Variants in IGF1R observed in about 807,000 individuals in gnomAD.
IGF1R encodes insulin-like growth factor 1 receptor.
Under a neutral mutation model 144.6 loss-of-function variants are expected in IGF1R, and 44 were observed. The observed-to-expected ratio is 0.30, with a 90% confidence interval of 0.24 to 0.39. The LOEUF is 0.39. Ranked by LOEUF, IGF1R falls within the 10% of genes least tolerant of loss-of-function variation. The pLI is 1.00. For synonymous variants in IGF1R, 795 were observed against 722.8 expected, an observed-to-expected ratio of 1.10 and a Z score of -1.60; for missense variants, 1,355 against 1,833.7, an observed-to-expected ratio of 0.74 and a Z score of 4.77.
chr15:98,799,218 C>G (rs900948778), intron 2 of IGF1R, among the ~76,000 whole-genome samples: 1 of 152,134 alleles, frequency 6.6e-6, no homozygotes, highest in African/African-American at 2.4e-5. Context: ...GTGCCTCCCC[C>G]TTTCGTGAGC....
intron 2 of IGF1R, among the ~76,000 whole-genome samples, chr15:98,856,146 C>G (rs1217977017): frequency 6.6e-5 from 10 of 152,200 alleles, no homozygotes; most frequent in Non-Finnish European, 2.9e-5. Flanking sequence ...TCTTTCTCCA[C>G]AAAAATATGT....
chr15:98,874,569 T>TG (rs2012957239), intron 2 of IGF1R, among the ~76,000 whole-genome samples: 2 of 152,186 alleles, frequency 1.3e-5, no homozygotes, highest in South Asian at 2.1e-4. Flanking sequence ...GCTCAGAGGC[T>TG]GGGGACCTGG....
chr15:98,850,540 CCTCT>C (rs1326273275), intron 2 of IGF1R, among the ~76,000 whole-genome samples: 2 of 152,218 alleles, frequency 1.3e-5, no homozygotes, highest in African/African-American at 4.8e-5. Context: ...TGCAACGAGG[CCTCT>C]CTGAGGTGCT....
intron 5 of IGF1R, 28 bp from the exon 6 acceptor site, chr15:98,908,657 G>A (rs762058504): frequency 1.5e-4 from 234 of 1,594,572 alleles, no homozygotes; most frequent in Non-Finnish European, 1.8e-4. Context: ...AAGGGCAGGT[G>A]CGCTAACATC....
chr15:98,895,818 A>C (rs1276310234), intron 3 of IGF1R, among the ~76,000 whole-genome samples: 1 of 152,232 alleles, frequency 6.6e-6, no homozygotes, highest in African/African-American at 2.4e-5. Flanking sequence ...TAAGAACAAT[A>C]ATGTACATAT....
At chr15:98,847,548 A>C (rs1374807598) in intron 2 of IGF1R, among the ~76,000 whole-genome samples, 2 of 152,188 alleles carry the variant, frequency 1.3e-5, no homozygotes, top group African/African-American at 2.4e-5. Context: ...AGTGAGGATT[A>C]ATCCAGACCA....
At chr15:98,840,677 GTTT>G (rs58919638) in intron 2 of IGF1R, among the ~76,000 whole-genome samples, 3 of 131,236 alleles carry the variant, frequency 2.3e-5, no homozygotes, top group Non-Finnish European at 1.6e-5. Context: ...TTTTTGTTTT[GTTT>G]TTTTTTTTTT....
intron 2 of IGF1R, among the ~76,000 whole-genome samples, chr15:98,864,275 C>T (rs2012312395): frequency 6.6e-6 from 1 of 152,294 alleles, no homozygotes; most frequent in East Asian, 1.9e-4. Flanking sequence ...GCAAACATTA[C>T]CAACATGGCA....
chr15:98,650,716 TTG>T (rs1358238096), intron 1 of IGF1R, among the ~76,000 whole-genome samples: 1 of 152,218 alleles, frequency 6.6e-6, no homozygotes, highest in African/African-American at 2.4e-5. Context: ...GGGGAGGGTG[TTG>T]TGTTTTGCGA....
chr15:98,831,411 C>G (rs996322630), intron 2 of IGF1R, among the ~76,000 whole-genome samples: 1 of 152,206 alleles, frequency 6.6e-6, no homozygotes, highest in Non-Finnish European at 1.5e-5. Flanking sequence ...TAGAACCTCA[C>G]GCCCAGCTTC....
chr15:98,704,081 G>A lies in IGF1R; in HGVS notation c.95-3481G>A, dbSNP rs543207028. Among the ~76,000 whole-genome samples, 7 of 152,072 alleles carry A rather than the reference G, an allele frequency of 4.6e-5. No homozygotes were observed. Among genetic ancestry groups the A allele is most frequent in the East Asian group, 1.9e-4 (1 of 5,176 alleles). On this transcript the variant is annotated intron_variant, in intron 1 of 20. Transcript: ENST00000650285. The surrounding 1 kb of genome is among the most constrained non-coding windows in gnomAD (Gnocchi z 4.9). The stretch of plus-strand genomic sequence containing the variant: ...TCCCCAGGGGAAAAAAGACCCTCCC[G>A]GCCCCCTTCAGCTGTGATGTGTCTT...
chr15:98,909,731 C>T (rs1242336256), intron 6 of IGF1R, among the ~76,000 whole-genome samples: 2 of 152,178 alleles, frequency 1.3e-5, no homozygotes, highest in Non-Finnish European at 2.9e-5. Flanking sequence ...TTCTCCCACC[C>T]CAACATGAAA....
intron 2 of IGF1R, among the ~76,000 whole-genome samples, chr15:98,785,550 C>T (rs748285221): frequency 1.1e-4 from 16 of 152,168 alleles, no homozygotes; most frequent in Non-Finnish European, 2.2e-4. Flanking sequence ...GGCCCCAGGG[C>T]CGCAGGCTTT....
Position 98,678,291 on chromosome 15 carries a change from T to C in IGF1R, c.94+28616T>C, listed in dbSNP as rs538228651. Among the ~76,000 whole-genome samples the C allele has an allele frequency of 3.3e-5, 5 of 152,358 alleles. No homozygotes were observed. The South Asian group carries it at 8.3e-4, about 25-fold the overall frequency. Reference sequence around the variant, plus strand: ...TTGCTAACATATTCAGATTTTTTAATCTCTTATTTTAAATGAGATAGCTTT... The same window carrying C: ...TTGCTAACATATTCAGATTTTTTAACCTCTTATTTTAAATGAGATAGCTTT... On this transcript the variant is annotated intron_variant, in intron 1 of 20. Transcript: ENST00000650285.
At chr15:98,884,729 T>C (rs1431384600) in intron 2 of IGF1R, among the ~76,000 whole-genome samples, 5 of 150,032 alleles carry the variant, frequency 3.3e-5, no homozygotes, top group Admixed American at 6.6e-5. Context: ...TTCCAGATGG[T>C]CCTGGACATA....
intron 2 of IGF1R, among the ~76,000 whole-genome samples, chr15:98,773,050 T>C (rs1219242517): frequency 6.6e-6 from 1 of 152,238 alleles, no homozygotes; most frequent in East Asian, 1.9e-4. Context: ...CTACTGGTGA[T>C]GATTCTTAGC....
At chr15:98,683,100 C>A (rs2053232349) in intron 1 of IGF1R, among the ~76,000 whole-genome samples, 1 of 151,456 alleles carries the variant, frequency 6.6e-6, no homozygotes, top group African/African-American at 2.4e-5. Context: ...TATAGGGATT[C>A]TTTAAGGGCA....
intron 19 of IGF1R, among the ~76,000 whole-genome samples, chr15:98,946,076 C>T (rs1385834044): frequency 6.6e-6 from 1 of 151,628 alleles, no homozygotes; most frequent in Non-Finnish European, 1.5e-5. Context: ...AGGATAAAGT[C>T]TTGTGGAGAA....
chr15:98,703,903 C>T (rs2053797152), intron 1 of IGF1R, among the ~76,000 whole-genome samples: 1 of 152,194 alleles, frequency 6.6e-6, no homozygotes, highest in African/African-American at 2.4e-5. Context: ...CAGGTTGAGC[C>T]TGTCTAATCC....
Sources: allele counts gnomAD v4.1 joint callset (sites outside exome capture counted in the v4.1 genomes callset), GRCh38; gene constraint gnomAD v4.1.1; non-coding constraint Gnocchi (gnomAD v3.1); transcripts MANE v1.5; gene names NCBI Gene and HGNC (gene_info 2026-07-23, HGNC 2026-07-21).